The following PRLR variants were observed in gnomAD, a reference collection of about 807,000 sequenced individuals.
PRLR encodes hPRL receptor.
Under a neutral mutation model 40.2 loss-of-function variants are expected in PRLR, and 13 were observed. The ratio of observed to expected loss-of-function variants is 0.32; its 90% CI spans 0.21 to 0.51. The LOEUF is 0.51. Ranked by LOEUF, PRLR falls within the 20% of genes least tolerant of loss-of-function variation. The pLI, the probability that PRLR is intolerant of heterozygous loss-of-function variation, is 0.97. For missense variants in PRLR, 656 were observed against 747.3 expected (o/e 0.88, Z 1.42); for synonymous variants, 269 against 278.7 (o/e 0.97, Z 0.35).
chr5:35,115,542 A>T (rs1330123563), intron 2 of PRLR, among the ~76,000 whole-genome samples: 1 of 152,140 alleles, frequency 6.6e-6, no homozygotes, highest in African/African-American at 2.4e-5. Flanking sequence ...CCTCCCGAGG[A>T]CCCTGGGCTG....
At chr5:35,202,362 C>T (rs1306982939) in intron 1 of PRLR, among the ~76,000 whole-genome samples, 5 of 152,180 alleles carry the variant, frequency 3.3e-5, no homozygotes. Flanking sequence ...CAATTTGACA[C>T]CAACCTACAT....
chr5:35,201,870 T>C (rs1253655746), intron 1 of PRLR, among the ~76,000 whole-genome samples: 1 of 152,162 alleles, frequency 6.6e-6, no homozygotes, highest in Admixed American at 6.5e-5. Flanking sequence ...CCCCAAAACC[T>C]CTGTTATCAT....
chr5:35,194,257 G>A (rs1775678014), intron 1 of PRLR, among the ~76,000 whole-genome samples: 1 of 152,158 alleles, frequency 6.6e-6, no homozygotes, highest in Non-Finnish European at 1.5e-5. Context: ...TCAGGATGAA[G>A]CTGACATGGT....
intron 1 of PRLR, among the ~76,000 whole-genome samples, chr5:35,210,908 C>T (rs558964758): frequency 1.4e-4 from 22 of 152,112 alleles, no homozygotes; most frequent in Non-Finnish European, 2.6e-4. Flanking sequence ...GACAGCATTT[C>T]GCTATGTTGC....
intron 1 of PRLR, among the ~76,000 whole-genome samples, chr5:35,203,687 A>G (rs1168233049): frequency 1.3e-5 from 2 of 152,196 alleles, no homozygotes; most frequent in Non-Finnish European, 2.9e-5. Context: ...CTTGTCAAAC[A>G]TCCATTACAA....
At chr5:35,149,962 G>A (rs1389970412) in intron 1 of PRLR, among the ~76,000 whole-genome samples, 5 of 152,030 alleles carry the variant, frequency 3.3e-5, no homozygotes, top group African/African-American at 1.2e-4. Flanking sequence ...GGGCTCAAGC[G>A]ATTCTCCTGC....
intron 1 of PRLR, among the ~76,000 whole-genome samples, chr5:35,197,345 TTCTC>T (rs1008482990): frequency 3.3e-5 from 5 of 152,146 alleles, no homozygotes; most frequent in Admixed American, 3.3e-4. Context: ...TGTTTTTTCT[TTCTC>T]TGAATCTTAA....
At position 35,072,676 on chromosome 5, in the gene PRLR, A is replaced by G. The variant is rs1242662173; in HGVS notation, c.442T>C (p.Trp148Arg). 2 of 1,614,044 alleles carry G rather than the reference A, an allele frequency of 1.2e-6. No individual in the cohort carries two copies. The highest frequency in any genetic ancestry group is 2.7e-5 in the African/African-American group (2 of 74,916). ...AGGGTAGGTGGAGACCATTTAATCC[A>G]CAGGTAGGGTTTTCTGTCTTCTGGC... ...KQPEDRKPYL[W>R]IKWSPPTLID... is the part of the protein sequence containing the mutation. The change falls in exon 6 of 10, where the codon TGG (tryptophan) becomes CGG (arginine). Residue 148 changes from tryptophan to arginine, a missense_variant. Trp to Arg is a moderately radical substitution (Grantham distance 101). Around this residue, in one of 3 missense-constraint regions of PRLR, gnomAD observed 180 missense variants for 236.8 expected, o/e 0.76. Transcript: ENST00000618457.
intron 5 of PRLR, among the ~76,000 whole-genome samples, chr5:35,073,516 A>G (rs1769881287): frequency 6.6e-6 from 1 of 152,226 alleles, no homozygotes; most frequent in African/African-American, 2.4e-5. Context: ...TCCATGAAGT[A>G]CTATTATTGT....
chr5:35,074,193 G>A (rs1769922064), intron 5 of PRLR, among the ~76,000 whole-genome samples: 3 of 152,138 alleles, frequency 2.0e-5, no homozygotes, highest in Non-Finnish European at 2.9e-5. Flanking sequence ...AGGCACAGTG[G>A]CTTATGCCTG....
chr5:35,145,631 G>A (rs1161241643), intron 1 of PRLR, among the ~76,000 whole-genome samples: 1 of 152,118 alleles, frequency 6.6e-6, no homozygotes, highest in Non-Finnish European at 1.5e-5. Context: ...CTTAAAAAAT[G>A]TGCTTGCTTT....
At chr5:35,070,032 C>G (rs1161309879) in intron 7 of PRLR, 92 bp downstream of exon 7, 1 of 1,416,860 alleles carries the variant, frequency 7.1e-7, no homozygotes. Flanking sequence ...GGCTAAGGCT[C>G]AAAATGGTTT....
intron 2 of PRLR, among the ~76,000 whole-genome samples, chr5:35,113,163 C>T (rs1307405809): frequency 6.7e-6 from 1 of 150,148 alleles, no homozygotes; most frequent in Non-Finnish European, 1.5e-5. Flanking sequence ...TCCATCTATC[C>T]ATCCATCCCT....
chr5:35,219,405 C>T (rs1345975781), intron 1 of PRLR, among the ~76,000 whole-genome samples: 1 of 152,118 alleles, frequency 6.6e-6, no homozygotes, highest in Admixed American at 6.5e-5. Flanking sequence ...AATAAGAGTA[C>T]ACACTTTTTA....
chr5:35,069,718 G>A (rs1452149753), intron 7 of PRLR, among the ~76,000 whole-genome samples: 2 of 152,218 alleles, frequency 1.3e-5, no homozygotes, highest in African/African-American at 2.4e-5. Context: ...TATATCCTGT[G>A]TCTTCACTAA....
rs377431242 is a variant in PRLR, at chr5:35,065,114, G to A, written c.1844C>T (p.Ala615Val). The A allele has an allele frequency of 2.5e-6, 4 of 1,612,938 alleles. No homozygotes were observed. The African/African-American group carries it at 5.3e-5, about 22-fold the overall frequency. ...QLGGLDYLDP[A>V]CFTHSFH The stretch of plus-strand genomic sequence containing the variant: ...TCAGTGAAAGGAGTGTGTAAAACAT[G>A]CGGGATCCAGGTAATCCAAACCACC... Residue 615 changes from alanine to valine, a missense_variant, in exon 10 of 10, where the codon GCA becomes GTA. By Grantham distance (64) the Ala-to-Val change is moderately conservative (BLOSUM62 0). Transcript: ENST00000618457.
At chr5:35,209,169 T>C (rs532046353) in intron 1 of PRLR, among the ~76,000 whole-genome samples, 2 of 151,790 alleles carry the variant, frequency 1.3e-5, no homozygotes, top group Non-Finnish European at 2.9e-5. Flanking sequence ...GGTGATGAGA[T>C]CAAGATGATA....
chr5:35,180,449 C>T (rs972418644), intron 1 of PRLR, among the ~76,000 whole-genome samples: 4 of 152,132 alleles, frequency 2.6e-5, no homozygotes, highest in African/African-American at 9.7e-5. Flanking sequence ...ATGTGACATA[C>T]CTGTTGCCCC....
Position 35,087,643 on chromosome 5 carries a change from T to C in PRLR, c.71-1303A>G, listed in dbSNP as rs533378016. ...AGCAACCACTGTTATCTAAGAGCTGTACCCAGTTCCAGACTGGATGCTAGA... is the reference window on the plus strand; with the variant it reads ...AGCAACCACTGTTATCTAAGAGCTGCACCCAGTTCCAGACTGGATGCTAGA... On this transcript the variant is annotated intron_variant, in intron 3 of 9. Coordinates refer to ENST00000618457, the MANE Select transcript of PRLR (RefSeq NM_000949.7). 2.6e-5 allele frequency among the ~76,000 whole-genome samples: 4 copies of C among 152,226 alleles called. No homozygotes were observed. The South Asian group carries it at 6.2e-4, about 24-fold the overall frequency.
Sources: allele counts gnomAD v4.1 joint callset (sites outside exome capture counted in the v4.1 genomes callset), GRCh38; gene constraint gnomAD v4.1.1; regional missense constraint gnomAD v4.1.1; transcripts MANE v1.5; gene names NCBI Gene and HGNC (gene_info 2026-07-23, HGNC 2026-07-21).